The following ADGRF1 variants were observed in gnomAD, a reference collection of about 807,000 sequenced individuals.
ADGRF1 encodes adhesion G protein-coupled receptor F1, also known as G protein-coupled receptor 110.
A neutral mutation model predicts 87.2 loss-of-function variants in ADGRF1; 85 were observed. That is an observed-to-expected ratio of 0.97 (90% CI 0.82 to 1.17). The LOEUF is 1.17. ADGRF1 is among the 50% of genes most tolerant of loss of function. The pLI is 0.00. For synonymous variants in ADGRF1, 430 were observed against 408.8 expected (o/e 1.05, Z -0.63); for missense variants, 1,169 against 1,077.2 (o/e 1.09, Z -1.19).
chr6:47,020,685 G>T, intron 7 of ADGRF1, 46 bp downstream of exon 7: 2 of 1,602,310 alleles, frequency 1.2e-6, no homozygotes, highest in Non-Finnish European at 1.7e-6. Context: ...TGCAGAACTG[G>T]TGCCCAATTC....
chr6:47,014,172 C>T (rs1779791251), intron 9 of ADGRF1: 4 of 829,104 alleles, frequency 4.8e-6, no homozygotes, highest in Middle Eastern at 1.2e-3. Flanking sequence ...CTTTTGTTTT[C>T]TGATCTGCAA....
chr6:47,009,945 C>A lies in ADGRF1; in HGVS notation c.1490G>T (p.Gly497Val). Residue 497 changes from glycine to valine, a missense_variant, in exon 11 of 15, where the codon GGA (glycine) becomes GTA (valine). Coordinates refer to ENST00000371253, the MANE Select transcript of ADGRF1 (RefSeq NM_153840.4). Reference sequence around the variant, plus strand: ...CACAGGTCCATTGACCTGAGCATTTCCATTTTTGGAAACGGGTAGAATGTT... The same window carrying A: ...CACAGGTCCATTGACCTGAGCATTTACATTTTTGGAAACGGGTAGAATGTT... ...LGNILPVSKN[G>V]NAQVNGPVIS... The A allele has an allele frequency of 6.2e-7, 1 of 1,614,102 alleles. No individual in the cohort carries two copies. The highest frequency in any genetic ancestry group is 8.5e-7 in the Non-Finnish European group (1 of 1,179,954).
Position 47,020,767 on chromosome 6 carries a change from AT to A in ADGRF1, c.574del (p.Ile192PhefsTer53). The A allele has an allele frequency of 6.2e-7, 1 of 1,613,884 alleles. No homozygotes were observed. Among genetic ancestry groups the A allele is most frequent in the Non-Finnish European group, 8.5e-7 (1 of 1,179,744 alleles). On this transcript the variant is annotated frameshift_variant, in exon 7 of 15. Transcript: ENST00000371253. LOFTEE classifies it high-confidence loss of function. ...EIQLKKAYER[I>X]QGFESVQVTQ... Reference sequence around the variant, plus strand: ...GACCTGAACCGACTCAAAACCTTGAATTCTTTCATATGCTTTTTTAAGCTTA... The same window carrying A: ...GACCTGAACCGACTCAAAACCTTGAATCTTTCATATGCTTTTTTAAGCTTA...
chr6:47,024,008 G>A, intron 5 of ADGRF1, 36 bp downstream of exon 5: 4 of 1,587,258 alleles, frequency 2.5e-6, no homozygotes, highest in Non-Finnish European at 3.4e-6. Flanking sequence ...GTTGGGGTGG[G>A]AGAAGCCCCA....
chr6:47,037,348 G>A (rs1780615460), intron 1 of ADGRF1, among the ~76,000 whole-genome samples: 1 of 151,934 alleles, frequency 6.6e-6, no homozygotes, highest in African/African-American at 2.4e-5. Flanking sequence ...TTGTGTTTTA[G>A]GAACTCTTTT....
intron 2 of ADGRF1, among the ~76,000 whole-genome samples, chr6:47,027,983 G>C (rs180678179): frequency 6.6e-6 from 1 of 152,138 alleles, no homozygotes; most frequent in Admixed American, 6.5e-5. Context: ...CACCAGAGCC[G>C]CTGAGAGAGG....
intron 1 of ADGRF1, among the ~76,000 whole-genome samples, chr6:47,035,580 G>A (rs1780565209): frequency 6.6e-6 from 1 of 152,110 alleles, no homozygotes; most frequent in Admixed American, 6.5e-5. Flanking sequence ...AAATGAAAAG[G>A]TAACATTTAA....
intron 8 of ADGRF1, among the ~76,000 whole-genome samples, chr6:47,015,618 C>T (rs970359195): frequency 5.7e-5 from 8 of 140,972 alleles, no homozygotes; most frequent in Admixed American, 3.5e-4. Context: ...AACAGAGTCT[C>T]GCTCTGTCAC....
intron 1 of ADGRF1, among the ~76,000 whole-genome samples, chr6:47,038,677 A>G (rs138139225): frequency 0.011 from 1,606 of 152,320 alleles, 34 homozygotes; most frequent in African/African-American, 0.036. Context: ...GAACACTAGA[A>G]TTTATTCCCC....
At position 47,010,244 on chromosome 6, in the gene ADGRF1, T is replaced by C. The variant is rs748834478; in HGVS notation, c.1191A>G (p.Glu397=). The C allele has an allele frequency of 6.2e-7, 1 of 1,613,998 alleles. No homozygotes were observed. The highest frequency in any genetic ancestry group is 1.7e-5 in the Admixed American group (1 of 60,004). The change falls in exon 11 of 15, where the codon GAA becomes GAG. Residue 397 remains glutamate, a synonymous_variant. Transcript: ENST00000371253. The stretch of plus-strand genomic sequence containing the variant: ...CTAGTAACCGTGAGCTGGCATACTT[T>C]TCTTCCCGCAGTAAGACTGTCCAGT... ...VTNWTVLLRE[E]KYASSRLLET...
rs750259809 is a variant in ADGRF1, at chr6:47,028,864, C to T, written c.69+129G>A. On this transcript the variant is annotated intron_variant, in intron 2 of 14. Coordinates refer to ENST00000371253, the MANE Select transcript of ADGRF1 (RefSeq NM_153840.4). ...TGTTGGTAATGTTGAAACGAGAACT[C>T]AGGACTTCTGATCTCAAGTACATTA... 214 of 736,522 alleles carry T rather than the reference C, an allele frequency of 2.9e-4. 1 individual carries two copies. Among genetic ancestry groups the T allele is most frequent in the Non-Finnish European group, 2.8e-4 (114 of 412,094 alleles). 45.6% of individuals were successfully genotyped at this position (736,522 alleles called of 1,614,324 possible).
chr6:47,008,572 G>C (rs1486487590), intron 11 of ADGRF1, among the ~76,000 whole-genome samples: 1 of 152,114 alleles, frequency 6.6e-6, no homozygotes, highest in Admixed American at 6.5e-5. Flanking sequence ...TTGCACCCTA[G>C]GAAATTCCTT....
At chr6:47,005,237 T>C (rs1453823417) in intron 13 of ADGRF1, among the ~76,000 whole-genome samples, 1 of 152,192 alleles carries the variant, frequency 6.6e-6, no homozygotes, top group East Asian at 1.9e-4. Flanking sequence ...TATACTTTTA[T>C]GGCAAAGAAT....
In ADGRF1 at chr6:47,039,753, G is replaced by A. The variant is rs140132564; in HGVS notation, c.-44+2438C>T. ...AAGGCCGGTGGATTACTTGAGGTCA[G>A]GAGTTTGAGAAGAGCCCAGCCAATA... On this transcript the variant is annotated intron_variant, in intron 1 of 14. Transcript: ENST00000371253. Among the ~76,000 whole-genome samples the A allele has an allele frequency of 1.4e-3, 214 of 151,922 alleles. 2 individuals carry two copies. Among genetic ancestry groups the A allele is most frequent in the Middle Eastern group, 6.8e-3 (2 of 294 alleles).
At chr6:47,015,078 G>A (rs758759269) in intron 8 of ADGRF1, among the ~76,000 whole-genome samples, 1 of 152,208 alleles carries the variant, frequency 6.6e-6, no homozygotes. Context: ...CCAGGTGTCC[G>A]ATCTGTGCCA....
chr6:47,000,256 T>G lies in ADGRF1; in HGVS notation c.2699A>C (p.Asn900Thr), dbSNP rs1374961915. The G allele has an allele frequency of 6.2e-7, 1 of 1,608,094 alleles. No homozygotes were observed. Among genetic ancestry groups the G allele is most frequent in the Admixed American group, 1.7e-5 (1 of 59,962 alleles). The change falls in exon 15 of 15, where the codon AAC becomes ACC. Residue 900 changes from asparagine to threonine, a missense_variant. By Grantham distance (65) the Asn-to-Thr change is moderately conservative. Transcript: ENST00000371253. ...TGAGACAAACTGAGTTAGCATGATG[T>G]TGTCGGAGGAATCTCCAGTATGAGA... ...AFSHTGDSSD[N>T]IMLTQFVSNE
chr6:47,023,940 C>G, intron 5 of ADGRF1, 104 bp downstream of exon 5: 3 of 1,034,348 alleles, frequency 2.9e-6, no homozygotes, highest in South Asian at 3.2e-5. Flanking sequence ...CCCTCAATCT[C>G]CCTGTAAACA....
chr6:47,008,263 G>A (rs754726181), intron 11 of ADGRF1, among the ~76,000 whole-genome samples: 2 of 152,108 alleles, frequency 1.3e-5, no homozygotes, highest in African/African-American at 2.4e-5. Flanking sequence ...GAAGGCTCTC[G>A]TCCAGATTCA....
intron 1 of ADGRF1, among the ~76,000 whole-genome samples, chr6:47,029,842 A>T (rs1780356654): frequency 6.6e-6 from 1 of 152,256 alleles, no homozygotes; most frequent in African/African-American, 2.4e-5. Context: ...CAGGGGCCAC[A>T]TGTGGCCAGG....
Sources: allele counts gnomAD v4.1 joint callset (sites outside exome capture counted in the v4.1 genomes callset), GRCh38; gene constraint gnomAD v4.1.1; transcripts MANE v1.5; gene names NCBI Gene and HGNC (gene_info 2026-07-23, HGNC 2026-07-21).